NIPAL2: variants seen among roughly 807,000 people sequenced by gnomAD.
NIPAL2 encodes the protein NIPA-like protein 2.
A neutral mutation model predicts 48.9 loss-of-function variants in NIPAL2; 43 were observed. That is an observed-to-expected ratio of 0.88 (90% CI 0.69 to 1.13). The LOEUF (loss-of-function observed/expected upper bound fraction) is 1.13, where lower values mean the gene tolerates loss of function less well. Ranked by LOEUF, NIPAL2 falls within the 50% of genes most tolerant of loss-of-function variation. The probability of loss-of-function intolerance (pLI) is 0.00; values close to 1 mark genes in which losing one functional copy is unlikely to be tolerated. For missense variants in NIPAL2, 446 were observed against 461.4 expected, an observed-to-expected ratio of 0.97 and a Z score of 0.31; for synonymous variants, 167 against 174.6, an observed-to-expected ratio of 0.96 and a Z score of 0.34.
intron 4 of NIPAL2, among the ~76,000 whole-genome samples, chr8:98,234,731 C>A (rs865922597): frequency 1.4e-3 from 163 of 116,430 alleles, no homozygotes; most frequent in African/African-American, 5.0e-3. Flanking sequence ...TTTTTTTTTT[C>A]AGTAGAGACG....
chr8:98,272,449 T>C, intron 1 of NIPAL2, among the ~76,000 whole-genome samples: 1 of 152,294 alleles, frequency 6.6e-6, no homozygotes, highest in Non-Finnish European at 1.5e-5. Flanking sequence ...CCAGTTAACT[T>C]GTTTAATTTC....
intron 4 of NIPAL2, among the ~76,000 whole-genome samples, chr8:98,226,745 G>C (rs981753995): frequency 5.3e-5 from 8 of 152,144 alleles, no homozygotes; most frequent in Admixed American, 3.9e-4. Context: ...CTTGCTCAAG[G>C]CCTGCTGTAT....
rs138349448 is a variant in NIPAL2 at position 98,239,084 on chromosome 8, A to G, written c.377-2870T>C. Among the ~76,000 whole-genome samples, 750 of 152,354 alleles carry G rather than the reference A, an allele frequency of 4.9e-3. 9 individuals are homozygous for G. The highest frequency in any genetic ancestry group is 0.016 in the African/African-American group (686 of 41,576). On this transcript the variant is annotated intron_variant, in intron 3 of 10. Coordinates refer to ENST00000430223, the MANE Select transcript of NIPAL2 (RefSeq NM_001321635.2). The stretch of plus-strand genomic sequence containing the variant: ...TAACACATACCAAATGTGTTCCATT[A>G]TAACAATCCTTGAAATGACCATTTC...
intron 5 of NIPAL2, among the ~76,000 whole-genome samples, chr8:98,220,425 T>G (rs1811797745): frequency 6.8e-6 from 1 of 147,838 alleles, no homozygotes; most frequent in Admixed American, 6.7e-5. Flanking sequence ...TTTTTTTTTG[T>G]CTTGAGACAG....
In NIPAL2 at chr8:98,203,177, T is replaced by C; in HGVS notation, c.811A>G (p.Lys271Glu). Residue 271 changes from lysine (K) to glutamate (E), a missense_variant, in exon 8 of 11, where the codon AAA becomes GAA. Transcript: ENST00000430223. ...FQVKFLNQAT[K>E]LYNTTTVVPV... ...ACCACTGTTGTCGTATTGTAGAGTT[T>C]CGTGGCTTGATTCAGGAACCTAGGG... 6.2e-7 allele frequency: 1 copy of C among 1,614,122 alleles called. No homozygotes were observed.
rs1810964816 is a variant in NIPAL2 at position 98,205,094 on chromosome 8, T to C, written c.791+17A>G. ...CGGAATGTTGAAAGATTAGTGAGTA[T>C]GCAGAAGCTAACTTACTTGACTTGG... is the stretch of plus-strand genomic sequence containing the variant. On this transcript the variant is annotated intron_variant, in intron 7 of 10. Coordinates refer to ENST00000430223, the MANE Select transcript of NIPAL2 (RefSeq NM_001321635.2). The C allele has an allele frequency of 3.1e-6, 5 of 1,612,390 alleles. No homozygotes were observed. The highest frequency in any genetic ancestry group is 3.4e-6 in the Non-Finnish European group (4 of 1,178,800).
chr8:98,245,334 A>G (rs943752021), intron 3 of NIPAL2, among the ~76,000 whole-genome samples: 8 of 152,240 alleles, frequency 5.3e-5, no homozygotes, highest in African/African-American at 7.2e-5. Context: ...TATGTCAATT[A>G]CAATGTATTC....
In NIPAL2 at chr8:98,254,060, T is replaced by G. The variant is rs1174951880; in HGVS notation, c.163A>C (p.Ile55Leu). The G allele has an allele frequency of 1.2e-6, 2 of 1,611,800 alleles. No individual in the cohort carries two copies. The highest frequency in any genetic ancestry group is 3.3e-5 in the Admixed American group (2 of 59,776). ...QIHLFGVLLA[I>L]LGNLVISISL... ...ATACTGATCACCAAGTTTCCTAAAA[T>G]AGCCAGCAAAACTCCAAAAAGGTGA... The change falls in exon 2 of 11, where the codon ATT becomes CTT. Residue 55 changes from isoleucine to leucine, a missense_variant. Ile to Leu is a conservative substitution (Grantham distance 5, BLOSUM62 2). Transcript: ENST00000430223.
chr8:98,266,553 C>CAAAAAAAAAAAAAAA (rs1168587196), intron 1 of NIPAL2, among the ~76,000 whole-genome samples: 1 of 69,280 alleles, frequency 1.4e-5, no homozygotes, highest in Non-Finnish European at 3.4e-5. Flanking sequence ...ACTCTGTCTC[C>CAAAAAAAAAAAAAAA]AAAAAAAAAA....
chr8:98,243,582 A>G (rs1813111999), intron 3 of NIPAL2, among the ~76,000 whole-genome samples: 1 of 152,250 alleles, frequency 6.6e-6, no homozygotes, highest in East Asian at 1.9e-4. Context: ...TGGAAGAGTT[A>G]CTTGATGCTC....
chr8:98,250,645 C>T (rs1317674156), intron 3 of NIPAL2, among the ~76,000 whole-genome samples: 4 of 152,162 alleles, frequency 2.6e-5, no homozygotes, highest in Non-Finnish European at 5.9e-5. Context: ...GAAGCTGAAA[C>T]ATTAATTGGG....
chr8:98,216,624 C>T (rs1005467270), intron 5 of NIPAL2, among the ~76,000 whole-genome samples: 1 of 152,172 alleles, frequency 6.6e-6, no homozygotes, highest in Non-Finnish European at 1.5e-5. Context: ...AGAATGACAC[C>T]AAATGACAGG....
chr8:98,280,160 G>C (rs905771926), intron 1 of NIPAL2, among the ~76,000 whole-genome samples: 1 of 152,192 alleles, frequency 6.6e-6, no homozygotes, highest in Non-Finnish European at 1.5e-5. Context: ...ACAGGGGTGT[G>C]TGGAATTGGT....
chr8:98,207,594 TA>T (rs201543349), intron 6 of NIPAL2, among the ~76,000 whole-genome samples: 1 of 152,162 alleles, frequency 6.6e-6, no homozygotes, highest in Non-Finnish European at 1.5e-5. Flanking sequence ...TGAAATTCAT[TA>T]AAAAAATCTA....
intron 1 of NIPAL2, among the ~76,000 whole-genome samples, chr8:98,291,933 A>T (rs1816509326): frequency 6.6e-6 from 1 of 152,258 alleles, no homozygotes; most frequent in African/African-American, 2.4e-5. Flanking sequence ...ACTGTTAAAC[A>T]TGTATTACAT....
chr8:98,224,160 GGCA>G (rs1812035312), intron 4 of NIPAL2, among the ~76,000 whole-genome samples: 1 of 152,034 alleles, frequency 6.6e-6, no homozygotes, highest in Admixed American at 6.6e-5. Context: ...GTTTTGAGTA[GGCA>G]ACACATGTAT....
At chr8:98,247,481 A>C (rs1485669035) in intron 3 of NIPAL2, among the ~76,000 whole-genome samples, 2 of 152,106 alleles carry the variant, frequency 1.3e-5, no homozygotes, top group African/African-American at 4.8e-5. Flanking sequence ...CGGGCTGTGT[A>C]AGTTTTGCAA....
intron 1 of NIPAL2, among the ~76,000 whole-genome samples, chr8:98,289,647 G>A (rs1205113119): frequency 2.6e-5 from 4 of 151,568 alleles, no homozygotes; most frequent in African/African-American, 9.7e-5. Flanking sequence ...TACCATGCTT[G>A]GCTTCTTGCT....
chr8:98,259,684 G>C (rs1222001359), intron 1 of NIPAL2, among the ~76,000 whole-genome samples: 3 of 152,192 alleles, frequency 2.0e-5, no homozygotes, highest in Admixed American at 6.5e-5. Flanking sequence ...CACGCCTCTG[G>C]TTATGAAATA....
Sources: allele counts gnomAD v4.1 joint callset (sites outside exome capture counted in the v4.1 genomes callset), GRCh38; gene constraint gnomAD v4.1.1; transcripts MANE v1.5; gene names NCBI Gene and HGNC (gene_info 2026-07-23, HGNC 2026-07-21).